ANKS1B: variants seen among roughly 807,000 people sequenced by gnomAD.
ANKS1B encodes the protein ankyrin repeat and sterile alpha motif domain-containing protein 1B.
In ANKS1B, 36 loss-of-function variants were observed where a neutral mutation model predicts 148.3. That is an observed-to-expected ratio of 0.24 (90% confidence interval 0.19 to 0.32). The LOEUF (loss-of-function observed/expected upper bound fraction) is 0.32, where lower values mean the gene tolerates loss of function less well. Ranked by LOEUF, ANKS1B falls within the 10% of genes least tolerant of loss-of-function variation. The pLI is 1.00. For synonymous variants in ANKS1B, 542 were observed against 560.8 expected (o/e 0.97, Z 0.47); for missense variants, 1,157 against 1,542.6 (o/e 0.75, Z 4.19).
At chr12:99,010,901 GTTTTTTT>G (rs1309326368) in intron 17 of ANKS1B, among the ~76,000 whole-genome samples, 2 of 51,314 alleles carry the variant, frequency 3.9e-5, no homozygotes, top group Admixed American at 3.7e-4. Flanking sequence ...GTGAGCTTTT[GTTTTTTT>G]TTTTTTTTTT....
At chr12:99,471,605 G>A (rs1209008883) in intron 10 of ANKS1B, among the ~76,000 whole-genome samples, 1 of 151,866 alleles carries the variant, frequency 6.6e-6, no homozygotes, top group African/African-American at 2.4e-5. Context: ...TCAGTAGACA[G>A]GTTTGTAATG....
chr12:99,828,278 T>C (rs1433698407), intron 1 of ANKS1B, among the ~76,000 whole-genome samples: 1 of 152,170 alleles, frequency 6.6e-6, no homozygotes, highest in African/African-American at 2.4e-5. Flanking sequence ...CCCTGATTGG[T>C]AGCCTTCATC....
At chr12:98,926,486 G>A (rs1169527376) in intron 17 of ANKS1B, among the ~76,000 whole-genome samples, 1 of 152,052 alleles carries the variant, frequency 6.6e-6, no homozygotes, top group Non-Finnish European at 1.5e-5. Context: ...AAGAAGTTAG[G>A]AGACATGTAA....
Position 98,919,715 on chromosome 12 carries a change from A to G in ANKS1B, c.2779-87579T>C, listed in dbSNP as rs568038374. The stretch of plus-strand genomic sequence containing the variant: ...TTTTTTAGTTTGCTCTTACTGAAAA[A>G]CCAAGGCAACTTCAACTTTATCTTT... On this transcript the variant is annotated intron_variant, in intron 17 of 26. Coordinates refer to ENST00000683438, the MANE Select transcript of ANKS1B (RefSeq NM_001352186.2). 9.1e-4 allele frequency among the ~76,000 whole-genome samples: 139 copies of G among 152,232 alleles called. 1 individual carries two copies. Among genetic ancestry groups the G allele is most frequent in the African/African-American group, 3.1e-3 (128 of 41,534 alleles).
intron 9 of ANKS1B, among the ~76,000 whole-genome samples, chr12:99,641,819 C>A (rs952518065): frequency 6.6e-6 from 1 of 152,134 alleles, no homozygotes; most frequent in African/African-American, 2.4e-5. Context: ...ACAGTAGACA[C>A]TATACACCCT....
intron 10 of ANKS1B, among the ~76,000 whole-genome samples, chr12:99,486,206 T>A (rs79902615): frequency 0.037 from 5,637 of 152,084 alleles, 359 homozygotes; most frequent in African/African-American, 0.13. Flanking sequence ...TGTTTTTTTT[T>A]AATATTCCTT....
chr12:99,302,750 C>T (rs145676839), intron 12 of ANKS1B, among the ~76,000 whole-genome samples: 1 of 152,230 alleles, frequency 6.6e-6, no homozygotes, highest in South Asian at 2.1e-4. Flanking sequence ...TTTGGCAGCA[C>T]AGATTTGGCT....
chr12:99,968,034 G>C (rs1049850642), intron 1 of ANKS1B, among the ~76,000 whole-genome samples: 6 of 152,132 alleles, frequency 3.9e-5, no homozygotes, highest in African/African-American at 1.4e-4. Flanking sequence ...TCTGAGTTTG[G>C]GGTAGAAGAA....
chr12:99,249,312 G>C (rs2074269462), intron 12 of ANKS1B, among the ~76,000 whole-genome samples: 1 of 152,076 alleles, frequency 6.6e-6, no homozygotes. Flanking sequence ...AATTTTAGGG[G>C]CGTAATATTA....
intron 11 of ANKS1B, among the ~76,000 whole-genome samples, chr12:99,402,939 G>A (rs2094443250): frequency 6.9e-6 from 1 of 145,354 alleles, no homozygotes; most frequent in African/African-American, 2.6e-5. Flanking sequence ...CCCACCTGTA[G>A]TGTATAAGTG....
chr12:99,651,778 T>C (rs2098420995), intron 9 of ANKS1B, among the ~76,000 whole-genome samples: 1 of 152,040 alleles, frequency 6.6e-6, no homozygotes, highest in South Asian at 2.1e-4. Flanking sequence ...ATAATTTAGA[T>C]AATAGATACT....
chr12:98,907,213 T>C (rs2099780488), intron 17 of ANKS1B, among the ~76,000 whole-genome samples: 1 of 152,218 alleles, frequency 6.6e-6, no homozygotes, highest in Non-Finnish European at 1.5e-5. Context: ...ATATTCGTTG[T>C]TGGTCAGGGC....
chr12:99,631,145 T>C lies in ANKS1B; in HGVS notation c.1272+23922A>G, dbSNP rs139046496. 3.5e-3 allele frequency among the ~76,000 whole-genome samples: 531 copies of C among 152,248 alleles called. 7 individuals carry two copies. Among genetic ancestry groups the C allele is most frequent in the African/African-American group, 0.012 (511 of 41,550 alleles). On this transcript the variant is annotated intron_variant, in intron 9 of 26. Transcript: ENST00000683438. ...ATGAGTCAATTAAACCTCTCTCCTT[T>C]ATAAATTACCCAGTCTCGGGTATGT...
At chr12:98,941,700 A>G (rs2099837026) in intron 17 of ANKS1B, among the ~76,000 whole-genome samples, 1 of 152,274 alleles carries the variant, frequency 6.6e-6, no homozygotes, top group Non-Finnish European at 1.5e-5. Context: ...CTATGGTGAC[A>G]TAAACATTTA....
At chr12:99,531,512 C>T (rs1400877993) in intron 9 of ANKS1B, among the ~76,000 whole-genome samples, 3 of 152,128 alleles carry the variant, frequency 2.0e-5, no homozygotes, top group South Asian at 4.1e-4. Flanking sequence ...GCTTCCAGTT[C>T]CATACAAGGT....
chr12:99,248,063 T>C (rs2074092894), intron 12 of ANKS1B, among the ~76,000 whole-genome samples: 1 of 152,202 alleles, frequency 6.6e-6, no homozygotes, highest in Non-Finnish European at 1.5e-5. Context: ...TTATATCATC[T>C]CATTTGACAC....
At chr12:99,615,831 T>C (rs1294909888) in intron 9 of ANKS1B, among the ~76,000 whole-genome samples, 1 of 152,136 alleles carries the variant, frequency 6.6e-6, no homozygotes, top group Non-Finnish European at 1.5e-5. Context: ...GGTATTCAAA[T>C]AGGAAGACAG....
chr12:99,907,812 T>TAA lies in ANKS1B; in HGVS notation c.134+76290_134+76291dup, dbSNP rs751468199. Among the ~76,000 whole-genome samples the TAA allele has an allele frequency of 6.6e-3, 664 of 100,136 alleles. 8 individuals carry two copies. Among genetic ancestry groups the TAA allele is most frequent in the African/African-American group, 0.02 (539 of 26,386 alleles). 65.7% of individuals were successfully genotyped at this position (100,136 alleles called of 152,430 possible). ...GTTTTCTCCTCTCCAGAGAAATTCT[T>TAA]AAAAAAAAAAAAAAAAAAAAAAAAA... is the stretch of plus-strand genomic sequence containing the variant. On this transcript the variant is annotated intron_variant, in intron 1 of 26. Transcript: ENST00000683438.
intron 10 of ANKS1B, among the ~76,000 whole-genome samples, chr12:99,448,902 C>T (rs1410908612): frequency 6.6e-6 from 1 of 151,944 alleles, no homozygotes; most frequent in Non-Finnish European, 1.5e-5. Context: ...CTCTCTCTCC[C>T]TTTGGACTCT....
Sources: allele counts gnomAD v4.1 joint callset (sites outside exome capture counted in the v4.1 genomes callset), GRCh38; gene constraint gnomAD v4.1.1; transcripts MANE v1.5; gene names NCBI Gene and HGNC (gene_info 2026-07-23, HGNC 2026-07-21).